The following SATB1 variants were observed in gnomAD, a reference collection of about 807,000 sequenced individuals.
The protein encoded by SATB1 is DNA-binding protein SATB1.
In SATB1, 11 loss-of-function variants were observed where a neutral mutation model predicts 86.9. The observed-to-expected ratio is 0.13, with a 90% CI of 0.08 to 0.21. The LOEUF is 0.21. SATB1 is among the 10% of genes least tolerant of loss of function. The probability of loss-of-function intolerance (pLI) is 1.00; values close to 1 mark genes in which losing one functional copy is unlikely to be tolerated. For missense variants in SATB1, 551 were observed against 937.6 expected, an observed-to-expected ratio of 0.59 and a Z score of 5.39; for synonymous variants, 357 against 357.2, an observed-to-expected ratio of 1.00 and a Z score of 0.01.
intron 5 of SATB1, among the ~76,000 whole-genome samples, chr3:18,405,943 A>T (rs951989194): frequency 6.6e-6 from 1 of 152,046 alleles, no homozygotes; most frequent in African/African-American, 2.4e-5. Flanking sequence ...CATCTCAATC[A>T]ATATTATGAA....
In SATB1 at chr3:18,352,441, G is replaced by T. The variant is rs564415827; in HGVS notation, c.1576-246C>A. On this transcript the variant is annotated intron_variant, in intron 9 of 10. Coordinates refer to ENST00000338745, the MANE Select transcript of SATB1 (RefSeq NM_002971.6). The surrounding 1 kb of genome is among the most constrained non-coding windows in gnomAD (Gnocchi z 4.1). ...GGAGGGACATATTTTTTCAGACTCT[G>T]AGGGTAACAGAGCATTTATCACAGA... The T allele has an allele frequency of 3.0e-5, 14 of 466,860 alleles. No homozygotes were observed. Among genetic ancestry groups the T allele is most frequent in the South Asian group, 2.4e-4 (9 of 36,904 alleles). 28.9% of individuals were successfully genotyped at this position (466,860 alleles called of 1,614,324 possible).
Position 18,414,592 on chromosome 3 carries a change from A to G in SATB1, c.639+519T>C, listed in dbSNP as rs80286889. ...AAAATCCTAATGAATTAACTATTCA[A>G]CCTTTAGTTAAGAGTAATTATTTTC... is the stretch of plus-strand genomic sequence containing the variant. On this transcript the variant is annotated intron_variant, in intron 5 of 10. Transcript: ENST00000338745. Among the ~76,000 whole-genome samples, 558 of 152,262 alleles carry G rather than the reference A, an allele frequency of 3.7e-3. 4 individuals are homozygous for G. Among genetic ancestry groups the G allele is most frequent in the East Asian group, 0.03 (155 of 5,168 alleles).
At chr3:18,357,663 T>G (rs1694715487) in intron 9 of SATB1, among the ~76,000 whole-genome samples, 1 of 151,658 alleles carries the variant, frequency 6.6e-6, no homozygotes, top group African/African-American at 2.4e-5. Context: ...ATCCTTCACC[T>G]TTAGCATAAA....
In SATB1 at chr3:18,394,655, G is replaced by A; in HGVS notation, c.1013C>T (p.Ala338Val). 1 of 1,614,174 alleles carries A rather than the reference G, an allele frequency of 6.2e-7. No homozygotes were observed. Among genetic ancestry groups the A allele is most frequent in the Non-Finnish European group, 8.5e-7 (1 of 1,180,032 alleles). The change falls in exon 7 of 11, where the codon GCC becomes GTC. Residue 338 changes from alanine (A) to valine (V), a missense_variant. By Grantham distance (64) the Ala-to-Val change is moderately conservative (BLOSUM62 0). Transcript: ENST00000338745. This position sits in a 1 kb window ranked among gnomAD's most constrained non-coding sequence, Gnocchi z 5.9. ...GTATTGTTGGTTTAAGGACTGCTGG[G>A]CTAAAAGTCTATTCACTGCATACTG... ...NQQYAVNRLL[A>V]QQSLNQQYLN...
intron 10 of SATB1, 169 bp downstream of exon 10, chr3:18,351,823 A>G: frequency 1.6e-6 from 1 of 638,810 alleles, no homozygotes; most frequent in Non-Finnish European, 2.7e-6. Flanking sequence ...CGCTGGAAAA[A>G]GTATGTTAAT....
chr3:18,351,096 C>G, intron 10 of SATB1: 1 of 547,988 alleles, frequency 1.8e-6, no homozygotes. Flanking sequence ...ACTTTTCCAT[C>G]TAAATTCACA....
At chr3:18,410,547 C>G (rs1697781468) in intron 5 of SATB1, among the ~76,000 whole-genome samples, 1 of 151,968 alleles carries the variant, frequency 6.6e-6, no homozygotes, top group African/African-American at 2.4e-5. Flanking sequence ...ATCAAAAGCA[C>G]TAAATCAAAG....
At chr3:18,371,678 A>G (rs979742899) in intron 9 of SATB1, among the ~76,000 whole-genome samples, 1 of 152,186 alleles carries the variant, frequency 6.6e-6, no homozygotes, top group Non-Finnish European at 1.5e-5. Context: ...ATGCATTTTC[A>G]TAGCTCATTC....
rs1046701498 is a variant in SATB1, at chr3:18,348,491, T to C, written c.*679A>G. On this transcript the variant is annotated 3_prime_UTR_variant, in exon 11 of 11. Coordinates refer to ENST00000338745, the MANE Select transcript of SATB1 (RefSeq NM_002971.6). ...TTAATTACAACATGATGCTGCAGGA[T>C]CTACAAATAAATAATGAGGACTAAA... is the stretch of plus-strand genomic sequence containing the variant. The C allele has an allele frequency of 6.6e-6, 1 of 152,574 alleles. No homozygotes were observed. The highest frequency in any genetic ancestry group is 2.4e-5 in the African/African-American group (1 of 41,426). 9.5% of individuals were successfully genotyped at this position (152,574 alleles called of 1,614,324 possible).
At chr3:18,431,609 C>G (rs1328602866) in intron 2 of SATB1, among the ~76,000 whole-genome samples, 9 of 152,144 alleles carry the variant, frequency 5.9e-5, no homozygotes, top group Non-Finnish European at 2.9e-5. Flanking sequence ...TCATATACAG[C>G]CAGGTTTGGC....
Position 18,346,723 on chromosome 3 carries a change from A to T in SATB1, c.*2447T>A, listed in dbSNP as rs1384663184. On this transcript the variant is annotated 3_prime_UTR_variant, in exon 11 of 11. Coordinates refer to ENST00000338745, the MANE Select transcript of SATB1 (RefSeq NM_002971.6). ...TGTTGATTACCAAACAAACATTCAA[A>T]CATTCATCATTTCACTGAAAACACT... 1 of 152,158 alleles carries T rather than the reference A, an allele frequency of 6.6e-6. No individual in the cohort carries two copies. Among genetic ancestry groups the T allele is most frequent in the African/African-American group, 2.4e-5 (1 of 41,454 alleles). The allele number at this position is 152,158 out of a possible 1,614,324, so 9.4% of individuals were successfully genotyped here. A position where few individuals can be genotyped will look rare whatever the true frequency, so the allele number is the denominator to read the frequency against.
At chr3:18,365,875 C>G (rs1433866553) in intron 9 of SATB1, among the ~76,000 whole-genome samples, 1 of 152,078 alleles carries the variant, frequency 6.6e-6, no homozygotes, top group East Asian at 1.9e-4. Context: ...CCCCCAATCT[C>G]CAAACATAGA....
intron 9 of SATB1, among the ~76,000 whole-genome samples, chr3:18,363,404 A>C (rs930715388): frequency 1.3e-5 from 2 of 152,192 alleles, no homozygotes; most frequent in African/African-American, 4.8e-5. Context: ...TATTTCTAGA[A>C]GCATCATGTG....
chr3:18,444,709 G>A lies in SATB1; in HGVS notation c.-25+809C>T, dbSNP rs1305549529. 8 of 963,272 alleles carry A rather than the reference G, an allele frequency of 8.3e-6. No homozygotes were observed. Among genetic ancestry groups the A allele is most frequent in the East Asian group, 1.2e-4 (1 of 8,534 alleles). 59.7% of individuals were successfully genotyped at this position (963,272 alleles called of 1,614,324 possible). ...CCGGCGTCGGACTTCCGAGGCGGCG[G>A]CTTCTGCCTCTCCTGCCGCCGCCGC... On this transcript the variant is annotated intron_variant, in intron 1 of 3. Coordinates refer to the SATB1 transcript ENST00000415069. The surrounding 1 kb of genome is among the most constrained non-coding windows in gnomAD (Gnocchi z 5.1).
chr3:18,445,386 G>T (rs1198086599), intron 1 of SATB1: 1 of 985,002 alleles, frequency 1.0e-6, no homozygotes, highest in South Asian at 4.6e-5. Context: ...GGGCGAGGGC[G>T]GGCCAGGGGG....
At chr3:18,417,574 C>G in intron 2 of SATB1, 1 of 642,662 alleles carries the variant, frequency 1.6e-6, no homozygotes, top group East Asian at 2.8e-5. Flanking sequence ...TCATTTTCTT[C>G]CTTTTTTAGA....
At chr3:18,406,282 A>G (rs925260426) in intron 5 of SATB1, among the ~76,000 whole-genome samples, 1 of 152,052 alleles carries the variant, frequency 6.6e-6, no homozygotes, top group Non-Finnish European at 1.5e-5. Flanking sequence ...TGTAGACTTT[A>G]GAACACAACT....
At chr3:18,414,438 A>T (rs1454149813) in intron 5 of SATB1, among the ~76,000 whole-genome samples, 1 of 152,110 alleles carries the variant, frequency 6.6e-6, no homozygotes, top group Non-Finnish European at 1.5e-5. Context: ...AAAAGAAATC[A>T]AGGAAAATCA....
At position 18,444,466 on chromosome 3, in the gene SATB1, C is replaced by G; in HGVS notation, c.-25+1052G>C. ...GAAGACCGTTGAAGCCCTGCGCCCA[C>G]GAGAGGGGAGCCCAGCCGCCCCAAT... On this transcript the variant is annotated intron_variant, in intron 1 of 3. Coordinates refer to the SATB1 transcript ENST00000415069. The surrounding 1 kb of genome is among the most constrained non-coding windows in gnomAD (Gnocchi z 5.1). 2 of 474,984 alleles carry G rather than the reference C, an allele frequency of 4.2e-6. No individual in the cohort carries two copies. The highest frequency in any genetic ancestry group is 5.5e-6 in the Non-Finnish European group (2 of 363,792). The allele number at this position is 474,984 out of a possible 1,614,324, so 29.4% of individuals were successfully genotyped here.
Sources: gnomAD v4.1 joint callset for allele counts (sites outside exome capture counted in the v4.1 genomes callset) on GRCh38, gnomAD v4.1.1 for gene constraint, Gnocchi (gnomAD v3.1) non-coding constraint, MANE v1.5 for transcripts, NCBI Gene and HGNC (gene_info 2026-07-23, HGNC 2026-07-21) for gene names.